Variants in FHOD3 observed in about 807,000 individuals in gnomAD.
FHOD3 encodes the protein formin homology 2 domain containing 3.
A neutral mutation model predicts 173.0 loss-of-function variants in FHOD3; 90 were observed. The ratio of observed to expected loss-of-function variants is 0.52; its 90% CI spans 0.44 to 0.62. The LOEUF (loss-of-function observed/expected upper bound fraction) is 0.62, where lower values mean the gene tolerates loss of function less well. Among genes scored for constraint, FHOD3 ranks in the 20% least tolerant of loss-of-function variants. The pLI, the probability that FHOD3 is intolerant of heterozygous loss-of-function variation, is 0.00. For missense variants in FHOD3, 1,945 were observed against 2,034.7 expected (o/e 0.96, Z 0.85); for synonymous variants, 828 against 823.0 (o/e 1.01, Z -0.10).
At chr18:36,499,013 G>A (rs2054882986) in intron 3 of FHOD3, among the ~76,000 whole-genome samples, 1 of 152,092 alleles carries the variant, frequency 6.6e-6, no homozygotes, top group South Asian at 2.1e-4. Flanking sequence ...GTCTACTTAT[G>A]GCATATTTCT....
intron 10 of FHOD3, among the ~76,000 whole-genome samples, chr18:36,646,579 T>C (rs1047672551): frequency 6.6e-6 from 1 of 152,218 alleles, no homozygotes; most frequent in African/African-American, 2.4e-5. Context: ...GTGAACAAGA[T>C]ACTGAAGTGG....
chr18:36,440,620 C>T (rs2051087195), intron 3 of FHOD3, among the ~76,000 whole-genome samples: 1 of 152,222 alleles, frequency 6.6e-6, no homozygotes, highest in Admixed American at 6.5e-5. Context: ...CTCCAGGACT[C>T]TGAAGATTAT....
intron 4 of FHOD3, among the ~76,000 whole-genome samples, chr18:36,508,232 C>G (rs925933286): frequency 1.2e-4 from 18 of 151,526 alleles, no homozygotes; most frequent in African/African-American, 4.1e-4. Flanking sequence ...TTGGAAATAT[C>G]AGAATGAACC....
At chr18:36,617,612 T>TGTGTGTGTGTGC (rs1331090252) in intron 9 of FHOD3, among the ~76,000 whole-genome samples, 1 of 151,588 alleles carries the variant, frequency 6.6e-6, no homozygotes, top group Non-Finnish European at 1.5e-5. Context: ...TGTGTGTGTG[T>TGTGTGTGTGTGC]GTGTGTGCAA....
At chr18:36,315,387 C>A (rs8086132) in intron 1 of FHOD3, among the ~76,000 whole-genome samples, 15,179 of 151,980 alleles carry the variant, frequency 0.1, 2,438 homozygotes, top group African/African-American at 0.34. Context: ...CTCTGGATCC[C>A]AGATTTGCTC....
At chr18:36,443,530 T>A (rs1185759585) in intron 3 of FHOD3, among the ~76,000 whole-genome samples, 1 of 152,232 alleles carries the variant, frequency 6.6e-6, no homozygotes, top group Non-Finnish European at 1.5e-5. Context: ...ATGTTCATAT[T>A]TTCTGGCATC....
At chr18:36,595,420 T>C (rs1227661715) in intron 7 of FHOD3, among the ~76,000 whole-genome samples, 1 of 152,194 alleles carries the variant, frequency 6.6e-6, no homozygotes, top group African/African-American at 2.4e-5. Context: ...GCTTATAGCA[T>C]AAAGTCAGTC....
At chr18:36,380,541 CTCTTTCTTTTGTTTTCTTTTCTTT>C (rs1412339162) in intron 3 of FHOD3, among the ~76,000 whole-genome samples, 1 of 127,558 alleles carries the variant, frequency 7.8e-6, no homozygotes, top group African/African-American at 3.2e-5. Flanking sequence ...CCCTTTCTCT[CTCTTTCTTTTGTTTTCTTTTCTTT>C]TCTTTTCTTT....
intron 8 of FHOD3, among the ~76,000 whole-genome samples, chr18:36,603,839 A>T (rs1258772581): frequency 6.6e-6 from 1 of 152,194 alleles, no homozygotes; most frequent in East Asian, 1.9e-4. Context: ...CCTTGAGGGA[A>T]TATAAATTAT....
chr18:36,435,913 A>G (rs971127322), intron 3 of FHOD3, among the ~76,000 whole-genome samples: 2 of 152,202 alleles, frequency 1.3e-5, no homozygotes, highest in African/African-American at 4.8e-5. Context: ...TTCTGACAGC[A>G]TCATTGCAAC....
chr18:36,394,493 G>A (rs2048454578), intron 3 of FHOD3, among the ~76,000 whole-genome samples: 1 of 152,164 alleles, frequency 6.6e-6, no homozygotes, highest in Non-Finnish European at 1.5e-5. Context: ...CACCCACCAT[G>A]CATGTTTTGA....
chr18:36,712,998 A>G (rs930787303), intron 18 of FHOD3, among the ~76,000 whole-genome samples: 1 of 152,252 alleles, frequency 6.6e-6, no homozygotes, highest in Admixed American at 6.5e-5. Context: ...AGAACCGTCA[A>G]CTATAAATTC....
At chr18:36,356,460 C>T (rs2046363806) in intron 2 of FHOD3, among the ~76,000 whole-genome samples, 1 of 152,050 alleles carries the variant, frequency 6.6e-6, no homozygotes, top group Non-Finnish European at 1.5e-5. Context: ...CTGAAATAGC[C>T]CCTGATGGGG....
chr18:36,386,451 C>T (rs987214177), intron 3 of FHOD3, among the ~76,000 whole-genome samples: 2 of 152,188 alleles, frequency 1.3e-5, no homozygotes, highest in Non-Finnish European at 2.9e-5. Context: ...AGCAGAAAGC[C>T]GTAAAAACAA....
In FHOD3 at chr18:36,625,475, GC is replaced by G. The variant is rs1414834173; in HGVS notation, c.958-34del. 2.9e-6 allele frequency: 4 copies of G among 1,377,112 alleles called. No individual in the cohort carries two copies. The African/African-American group carries it at 5.9e-5, about 20-fold the overall frequency. 85.3% of individuals were successfully genotyped at this position (1,377,112 alleles called of 1,614,324 possible). On this transcript the variant is annotated intron_variant, in intron 9 of 28. Transcript: ENST00000590592. ...CCTGAGGTCTGTGAAAGGATGCCAAGCCTGACCTTGCACTGGGCGTGCTCTG... is the reference window on the plus strand; with the variant it reads ...CCTGAGGTCTGTGAAAGGATGCCAAGCTGACCTTGCACTGGGCGTGCTCTG...
At position 36,625,577 on chromosome 18, in the gene FHOD3, A is replaced by G; in HGVS notation, c.1024A>G (p.Arg342Gly). The G allele has an allele frequency of 6.5e-7, 1 of 1,548,648 alleles. No homozygotes were observed. Among genetic ancestry groups the G allele is most frequent in the Non-Finnish European group, 8.8e-7 (1 of 1,139,598 alleles). The change falls in exon 10 of 29, where the codon AGG (arginine) becomes GGG (glycine). Residue 342 changes from arginine to glycine, a missense_variant. This residue lies in a region of FHOD3 where 1,099 missense variants were observed against 1,051.2 expected (regional missense o/e 1.05). Transcript: ENST00000590592. Reference sequence around the variant, plus strand: ...ACCCCCCAGTGGGTGCCGGGACCGGAGGAGGGCCAGCGTGTGTTCCAGTGG... The same window carrying G: ...ACCCCCCAGTGGGTGCCGGGACCGGGGGAGGGCCAGCGTGTGTTCCAGTGG... ...EPPPSGCRDR[R>G]RASVCSSGGG...
At position 36,355,612 on chromosome 18, in the gene FHOD3, G is replaced by A. The variant is rs186410723; in HGVS notation, c.239G>A (p.Arg80Gln). 3.6e-5 allele frequency: 58 copies of A among 1,614,120 alleles called. 1 individual carries two copies. The Middle Eastern group carries it at 9.9e-4, about 28-fold the overall frequency. ...LDLEATLAEQ[R>Q]DELEGFQDDA... is the part of the protein sequence containing the mutation. ...TTGGAGGCCACCCTGGCAGAGCAGC[G>A]GGATGAGTTGGAAGGCTTCCAGGAT... Residue 80 changes from arginine (R) to glutamine (Q), a missense_variant, in exon 2 of 29, where the codon CGG (arginine) becomes CAG (glutamine). This residue lies in a region of FHOD3 where 245 missense variants were observed against 267.7 expected (regional missense o/e 0.92). Coordinates refer to ENST00000590592, the MANE Select transcript of FHOD3 (RefSeq NM_001281740.3).
chr18:36,501,530 T>G (rs1252230812), intron 3 of FHOD3, among the ~76,000 whole-genome samples: 2 of 152,192 alleles, frequency 1.3e-5, no homozygotes, highest in African/African-American at 4.8e-5. Context: ...TGGGTATAGT[T>G]GGCCATCAAG....
chr18:36,760,902 CT>C, intron 27 of FHOD3, 120 bp downstream of exon 27: 1 of 1,022,836 alleles, frequency 9.8e-7, no homozygotes, highest in Non-Finnish European at 1.4e-6. Flanking sequence ...CAGTGCCAAC[CT>C]AACCACACAC....
Sources: gnomAD v4.1 joint callset for allele counts (sites outside exome capture counted in the v4.1 genomes callset) on GRCh38, gnomAD v4.1.1 for gene constraint, gnomAD v4.1.1 regional missense constraint, MANE v1.5 for transcripts, NCBI Gene and HGNC (gene_info 2026-07-23, HGNC 2026-07-21) for gene names.